ARHGAP26: variants seen among roughly 807,000 people sequenced by gnomAD.
The protein encoded by ARHGAP26 is Rho GTPase activating protein 26.
A neutral mutation model predicts 104.8 loss-of-function variants in ARHGAP26; 38 were observed. The observed-to-expected ratio is 0.36, with a 90% confidence interval of 0.28 to 0.48. The LOEUF (loss-of-function observed/expected upper bound fraction) is 0.48. ARHGAP26 is among the 20% of genes least tolerant of loss of function. ARHGAP26 has a pLI of 0.99. For synonymous variants in ARHGAP26, 341 were observed against 340.0 expected (o/e 1.00, Z -0.03); for missense variants, 704 against 947.9 (o/e 0.74, Z 3.38).
intron 11 of ARHGAP26, among the ~76,000 whole-genome samples, chr5:142,933,894 A>G (rs765325362): frequency 6.6e-6 from 1 of 152,200 alleles, no homozygotes; most frequent in African/African-American, 2.4e-5. Context: ...TTTGGTTTTC[A>G]TCTTTAATGG....
At chr5:142,885,492 G>C (rs1260124209) in intron 5 of ARHGAP26, 93 bp downstream of exon 5, 17 of 1,113,248 alleles carry the variant, frequency 1.5e-5, no homozygotes, top group Non-Finnish European at 1.9e-5. Flanking sequence ...AAAATCTTAG[G>C]GTTAGAAGGG....
intron 1 of ARHGAP26, among the ~76,000 whole-genome samples, chr5:142,815,730 T>G (rs1468980823): frequency 6.6e-6 from 1 of 152,160 alleles, no homozygotes; most frequent in East Asian, 1.9e-4. Flanking sequence ...CTCACCACTT[T>G]CAGACTCATT....
chr5:143,048,026 T>G (rs1270598823), intron 14 of ARHGAP26, among the ~76,000 whole-genome samples: 1 of 151,980 alleles, frequency 6.6e-6, no homozygotes, highest in Non-Finnish European at 1.5e-5. Context: ...TTTGTATCTT[T>G]TTAGTAGAGT....
Position 143,223,902 on chromosome 5 carries a change from A to G in ARHGAP26, c.*1456A>G, listed in dbSNP as rs867032341. On this transcript the variant is annotated 3_prime_UTR_variant, in exon 23 of 23. Coordinates refer to ENST00000645722, the MANE Select transcript of ARHGAP26 (RefSeq NM_001135608.3). ...TTCAAATTCACTTGGCCTGCAAACA[A>G]CAGAGTTATCCGTATCTTCCACATG... 1 of 231,652 alleles carries G rather than the reference A, an allele frequency of 4.3e-6. No individual in the cohort carries two copies. Among genetic ancestry groups the G allele is most frequent in the Non-Finnish European group, 8.6e-6 (1 of 116,848 alleles). 14.3% of individuals were successfully genotyped at this position (231,652 alleles called of 1,614,324 possible).
At chr5:142,784,029 C>A (rs1758044637) in intron 1 of ARHGAP26, among the ~76,000 whole-genome samples, 1 of 152,198 alleles carries the variant, frequency 6.6e-6, no homozygotes, top group African/African-American at 2.4e-5. Flanking sequence ...GCTTCGGCAT[C>A]CAGATGCTCC....
chr5:142,994,972 A>G (rs1776180972), intron 11 of ARHGAP26, among the ~76,000 whole-genome samples: 1 of 152,254 alleles, frequency 6.6e-6, no homozygotes, highest in African/African-American at 2.4e-5. Context: ...CTGGCTAGCC[A>G]TATGGAGAAA....
intron 17 of ARHGAP26, among the ~76,000 whole-genome samples, chr5:143,116,800 T>C (rs567071016): frequency 6.6e-6 from 1 of 152,332 alleles, no homozygotes; most frequent in South Asian, 2.1e-4. Context: ...TCATGGAACA[T>C]GCTCTTTCCT....
At chr5:143,198,017 T>C (rs558590598) in intron 20 of ARHGAP26, among the ~76,000 whole-genome samples, 2 of 152,362 alleles carry the variant, frequency 1.3e-5, no homozygotes, top group African/African-American at 4.8e-5. Flanking sequence ...CATAGTTTCT[T>C]GCTTACAGAT....
intron 11 of ARHGAP26, among the ~76,000 whole-genome samples, chr5:142,952,900 G>A (rs1768614065): frequency 1.3e-5 from 2 of 151,954 alleles, no homozygotes; most frequent in South Asian, 4.2e-4. Context: ...TAGTAGAGAT[G>A]GGGTTTCACC....
At chr5:142,992,576 C>T (rs11738817) in intron 11 of ARHGAP26, among the ~76,000 whole-genome samples, 85,406 of 151,514 alleles carry the variant, frequency 0.56, 27,935 homozygotes, top group Non-Finnish European at 0.74. Context: ...TACAGGTACC[C>T]GCCACCATGC....
chr5:143,077,289 C>G (rs1428203794), intron 17 of ARHGAP26, among the ~76,000 whole-genome samples: 2 of 151,946 alleles, frequency 1.3e-5, no homozygotes, highest in Non-Finnish European at 2.9e-5. Context: ...TGTTCCAGGC[C>G]AAGAATTGGA....
chr5:142,896,662 G>T (rs981484796), intron 6 of ARHGAP26, among the ~76,000 whole-genome samples: 3 of 152,080 alleles, frequency 2.0e-5, no homozygotes, highest in Non-Finnish European at 4.4e-5. Flanking sequence ...GCATCCTGTT[G>T]TAGTGTGTCC....
At chr5:142,989,089 T>G (rs1405022985) in intron 11 of ARHGAP26, among the ~76,000 whole-genome samples, 1 of 152,076 alleles carries the variant, frequency 6.6e-6, no homozygotes, top group Non-Finnish European at 1.5e-5. Context: ...TTGACAGTGG[T>G]GTGTTAAATT....
At chr5:142,842,268 A>AT (rs1234463324) in intron 1 of ARHGAP26, among the ~76,000 whole-genome samples, 10 of 152,058 alleles carry the variant, frequency 6.6e-5, no homozygotes, top group South Asian at 6.2e-4. Context: ...CATTTCAAGA[A>AT]TTTTTTTGTG....
intron 20 of ARHGAP26, among the ~76,000 whole-genome samples, chr5:143,174,066 T>G (rs1441731143): frequency 1.3e-5 from 2 of 152,234 alleles, no homozygotes; most frequent in Non-Finnish European, 2.9e-5. Context: ...CCATGTTGTT[T>G]AGAAATCAGT....
chr5:143,000,803 C>T (rs1008669706), intron 11 of ARHGAP26, among the ~76,000 whole-genome samples: 23 of 152,178 alleles, frequency 1.5e-4, no homozygotes, highest in Admixed American at 7.2e-4. Context: ...TACATGTTCT[C>T]ACTCATAAGT....
At chr5:142,850,559 A>T (rs964428769) in intron 1 of ARHGAP26, among the ~76,000 whole-genome samples, 1 of 152,212 alleles carries the variant, frequency 6.6e-6, no homozygotes, top group Non-Finnish European at 1.5e-5. Context: ...GTTATTAGCT[A>T]TATAAGGTGG....
At chr5:143,205,937 A>G (rs1392552142) in intron 20 of ARHGAP26, among the ~76,000 whole-genome samples, 1 of 152,378 alleles carries the variant, frequency 6.6e-6, no homozygotes, top group Non-Finnish European at 1.5e-5. Flanking sequence ...TTCTAAAAAT[A>G]TACGTAATGG....
At chr5:142,852,208 G>T (rs761898053) in intron 1 of ARHGAP26, among the ~76,000 whole-genome samples, 1 of 152,226 alleles carries the variant, frequency 6.6e-6, no homozygotes, top group Non-Finnish European at 1.5e-5. Flanking sequence ...TGGCCTGCAG[G>T]GCCTCTGAGC....
Sources: gnomAD v4.1 joint callset for allele counts (sites outside exome capture counted in the v4.1 genomes callset) on GRCh38, gnomAD v4.1.1 for gene constraint, MANE v1.5 for transcripts, NCBI Gene and HGNC (gene_info 2026-07-23, HGNC 2026-07-21) for gene names.